POU6F2: variants seen among roughly 807,000 people sequenced by gnomAD.
The protein encoded by POU6F2 is POU class 6 homeobox 2, also known as POU domain, class 6, transcription factor 2.
A neutral mutation model predicts 71.3 loss-of-function variants in POU6F2; 31 were observed. The ratio of observed to expected loss-of-function variants is 0.43; its 90% CI spans 0.33 to 0.59. The LOEUF is 0.59. Among genes scored for constraint, POU6F2 ranks in the 20% least tolerant of loss-of-function variants. The pLI, the probability that POU6F2 is intolerant of heterozygous loss-of-function variation, is 0.04. For missense variants in POU6F2, 783 were observed against 856.8 expected, an observed-to-expected ratio of 0.91 and a Z score of 1.07; for synonymous variants, 347 against 355.7, an observed-to-expected ratio of 0.98 and a Z score of 0.27.
In POU6F2 at chr7:39,309,546, AACTCC is replaced by A. The variant is rs1378900706; in HGVS notation, c.599-30093_599-30089del. ...TAAGAAGGAGATTGCTAGCTCTAGA[AACTCC>A]ACACCTTTAAAAAAAATTTTTTTTC... is the stretch of plus-strand genomic sequence containing the variant. On this transcript the variant is annotated intron_variant, in intron 4 of 9. Coordinates refer to ENST00000518318, the MANE Select transcript of POU6F2 (RefSeq NM_001370959.1). Among the ~76,000 whole-genome samples the A allele has an allele frequency of 2.0e-5, 3 of 152,336 alleles. No homozygotes were observed. The South Asian group carries it at 6.2e-4, about 32-fold the overall frequency.
chr7:39,448,867 A>G (rs991850763), intron 7 of POU6F2, among the ~76,000 whole-genome samples: 1 of 152,240 alleles, frequency 6.6e-6, no homozygotes, highest in African/African-American at 2.4e-5. Flanking sequence ...TCAATACGTT[A>G]TAGGGGGTAG....
At chr7:39,281,032 A>G (rs1298700951) in intron 4 of POU6F2, among the ~76,000 whole-genome samples, 3 of 152,348 alleles carry the variant, frequency 2.0e-5, no homozygotes, top group Admixed American at 6.5e-5. Flanking sequence ...GTATTTATGA[A>G]TGGAAAGTAC....
intron 1 of POU6F2, among the ~76,000 whole-genome samples, chr7:39,010,255 G>A (rs200810079): frequency 6.7e-6 from 1 of 150,276 alleles, no homozygotes; most frequent in Non-Finnish European, 1.5e-5. Context: ...GTCTTGGGAG[G>A]GTGTATGTGT....
At chr7:39,277,670 T>TA (rs199771880) in intron 4 of POU6F2, among the ~76,000 whole-genome samples, 73,677 of 141,988 alleles carry the variant, frequency 0.52, 19,252 homozygotes, top group East Asian at 0.7. Context: ...GTGCTTTGGT[T>TA]AACTTTCCCT....
chr7:38,983,638 T>G (rs1047895187), intron 1 of POU6F2, among the ~76,000 whole-genome samples: 3 of 152,128 alleles, frequency 2.0e-5, no homozygotes, highest in Admixed American at 6.6e-5. Flanking sequence ...CTTTTTATTA[T>G]TTTCTTGTTC....
chr7:39,103,991 G>C (rs2128724204), intron 2 of POU6F2, among the ~76,000 whole-genome samples: 2 of 152,266 alleles, frequency 1.3e-5, no homozygotes, highest in East Asian at 1.9e-4. Flanking sequence ...GGACCAGGAA[G>C]AGTGTTAATG....
At chr7:39,289,984 A>C (rs905151462) in intron 4 of POU6F2, among the ~76,000 whole-genome samples, 11 of 152,144 alleles carry the variant, frequency 7.2e-5, no homozygotes, top group African/African-American at 2.7e-4. Flanking sequence ...TTTACAAAGA[A>C]TAGGCATAAG....
chr7:38,985,967 A>G (rs1438243687), intron 1 of POU6F2, among the ~76,000 whole-genome samples: 2 of 152,126 alleles, frequency 1.3e-5, no homozygotes, highest in African/African-American at 2.4e-5. Flanking sequence ...TTTGTAAACA[A>G]ACCTATATCT....
At chr7:39,357,803 C>G (rs961392477) in intron 5 of POU6F2, among the ~76,000 whole-genome samples, 51 of 152,084 alleles carry the variant, frequency 3.4e-4, no homozygotes, top group Admixed American at 3.3e-3. Context: ...GCAGGTGGCA[C>G]GGAGGGGAAG....
At chr7:39,314,538 T>G (rs1210444984) in intron 4 of POU6F2, among the ~76,000 whole-genome samples, 1 of 152,240 alleles carries the variant, frequency 6.6e-6, no homozygotes, top group Non-Finnish European at 1.5e-5. Context: ...AACATTTGTA[T>G]TTGTTTGCTT....
At chr7:38,990,248 TAAAA>T (rs78705985) in intron 1 of POU6F2, among the ~76,000 whole-genome samples, 12,137 of 151,968 alleles carry the variant, frequency 0.08, 607 homozygotes, top group East Asian at 0.12. Flanking sequence ...TTGGAAAACT[TAAAA>T]AAAATCCTGT....
intron 4 of POU6F2, among the ~76,000 whole-genome samples, chr7:39,264,824 G>A (rs1430028694): frequency 6.6e-6 from 1 of 152,168 alleles, no homozygotes; most frequent in African/African-American, 2.4e-5. Flanking sequence ...ATGTATGTGT[G>A]TGTGGAGACG....
At chr7:39,027,161 C>T (rs904080540) in intron 1 of POU6F2, among the ~76,000 whole-genome samples, 1 of 152,040 alleles carries the variant, frequency 6.6e-6, no homozygotes, top group East Asian at 1.9e-4. Context: ...TAGTGTACTC[C>T]CAGGGTGTTT....
chr7:39,088,474 G>A (rs913897038), intron 2 of POU6F2, among the ~76,000 whole-genome samples: 10 of 152,134 alleles, frequency 6.6e-5, no homozygotes, highest in African/African-American at 2.2e-4. Flanking sequence ...GTTCAAGTCT[G>A]TTTTTTGTTT....
In POU6F2 at chr7:39,004,092, C is replaced by T. The variant is rs367624368; in HGVS notation, c.105+26034C>T. On this transcript the variant is annotated intron_variant, in intron 1 of 9. Coordinates refer to ENST00000518318, the MANE Select transcript of POU6F2 (RefSeq NM_001370959.1). The stretch of plus-strand genomic sequence containing the variant: ...AGAATCAGAATAAAATCTCTGATAA[C>T]AATTCATCTTGATGTTTTGGTAATA... 6.8e-4 allele frequency among the ~76,000 whole-genome samples: 104 copies of T among 152,090 alleles called. 2 individuals are homozygous for T. In the South Asian group the frequency reaches 0.021, roughly 30 times the overall value.
chr7:39,039,659 ATG>A (rs1584512617), intron 1 of POU6F2, among the ~76,000 whole-genome samples: 1 of 151,962 alleles, frequency 6.6e-6, no homozygotes, highest in African/African-American at 2.4e-5. Context: ...AACCATCAGC[ATG>A]TGAGTTGATA....
intron 4 of POU6F2, among the ~76,000 whole-genome samples, chr7:39,255,970 T>TA (rs1784012436): frequency 6.6e-6 from 1 of 152,152 alleles, no homozygotes; most frequent in African/African-American, 2.4e-5. Flanking sequence ...GAAGCTACAT[T>TA]AAAAAATCAC....
chr7:39,343,158 TAAGTA>T (rs1785955313), intron 5 of POU6F2, among the ~76,000 whole-genome samples: 1 of 152,124 alleles, frequency 6.6e-6, no homozygotes. Flanking sequence ...TCCCTGTAAA[TAAGTA>T]AAGTAATCTT....
At chr7:39,111,965 A>T (rs1034231897) in intron 2 of POU6F2, among the ~76,000 whole-genome samples, 10 of 152,180 alleles carry the variant, frequency 6.6e-5, no homozygotes, top group Admixed American at 3.3e-4. Context: ...ATGCAAGAAG[A>T]ATTATAAAAT....
Sources: allele counts gnomAD v4.1 joint callset (sites outside exome capture counted in the v4.1 genomes callset), GRCh38; gene constraint gnomAD v4.1.1; transcripts MANE v1.5; gene names NCBI Gene and HGNC (gene_info 2026-07-23, HGNC 2026-07-21).